The following KATNIP variants were observed in gnomAD, a reference collection of about 807,000 sequenced individuals.
KATNIP encodes the protein katanin interacting protein, also known as katanin-interacting protein.
In KATNIP, 126 loss-of-function variants were observed where a neutral mutation model predicts 174.0. The ratio of observed to expected loss-of-function variants is 0.72; its 90% confidence interval spans 0.63 to 0.84. The LOEUF (loss-of-function observed/expected upper bound fraction) is 0.84. Ranked by LOEUF, KATNIP falls within the 40% of genes least tolerant of loss-of-function variation. KATNIP has a pLI of 0.00. For missense variants in KATNIP, 1,958 were observed against 2,109.7 expected (o/e 0.93, Z 1.41); for synonymous variants, 810 against 835.7 (o/e 0.97, Z 0.53).
chr16:27,555,673 A>G lies in KATNIP; in HGVS notation c.7+5496A>G, dbSNP rs1184630884. On this transcript the variant is annotated intron_variant, in intron 1 of 27. Transcript: ENST00000261588. The stretch of plus-strand genomic sequence containing the variant: ...AACATGGAGAAACCCTGTCTCTACT[A>G]AAAAAATGCAAAATTAGCTGGGTGT... Among the ~76,000 whole-genome samples the G allele has an allele frequency of 3.3e-5, 5 of 151,946 alleles. No homozygotes were observed. The Middle Eastern group carries it at 0.01, about 310-fold the overall frequency.
At chr16:27,774,917 G>T in intron 23 of KATNIP, 28 bp from the exon 24 acceptor site, 2 of 1,613,454 alleles carry the variant, frequency 1.2e-6, no homozygotes, top group South Asian at 2.2e-5. Context: ...CACAGATTTG[G>T]GTTATGGCAA....
In KATNIP at chr16:27,723,877, T is replaced by C. The variant is rs542590367; in HGVS notation, c.1743+2182T>C. ...TGCTAGTTCTGCCACCCACCAGCTG[T>C]CCATCCACCTAGTGATCACGTCGTG... On this transcript the variant is annotated intron_variant, in intron 14 of 27. Coordinates refer to ENST00000261588, the MANE Select transcript of KATNIP (RefSeq NM_015202.5). Among the ~76,000 whole-genome samples, 9 of 152,120 alleles carry C rather than the reference T, an allele frequency of 5.9e-5. No homozygotes were observed. In the South Asian group the frequency reaches 1.9e-3, roughly 32 times the overall value.
At chr16:27,736,175 G>A (rs532964680) in intron 14 of KATNIP, among the ~76,000 whole-genome samples, 47 of 152,192 alleles carry the variant, frequency 3.1e-4, no homozygotes, top group African/African-American at 1.1e-3. Flanking sequence ...GCTAATTTTT[G>A]TATTTTTAGT....
chr16:27,766,592 T>C (rs909147673), intron 20 of KATNIP, 118 bp downstream of exon 20: 3 of 1,061,968 alleles, frequency 2.8e-6, no homozygotes, highest in Admixed American at 4.8e-5. Context: ...CAAACGGAGC[T>C]GGGGGCGTTA....
intron 14 of KATNIP, 118 bp downstream of exon 14, chr16:27,721,813 G>C (rs550990809): frequency 2.6e-6 from 3 of 1,133,438 alleles, no homozygotes; most frequent in Non-Finnish European, 3.7e-6. Flanking sequence ...TGCTGGCCTC[G>C]TGTGTGCAGC....
chr16:27,692,611 C>A (rs771604131), intron 8 of KATNIP, among the ~76,000 whole-genome samples: 3 of 152,086 alleles, frequency 2.0e-5, no homozygotes, highest in Non-Finnish European at 2.9e-5. Context: ...CTGTTCCAGG[C>A]GAAGGGAAGA....
intron 15 of KATNIP, among the ~76,000 whole-genome samples, chr16:27,744,063 C>T (rs1165485597): frequency 6.6e-6 from 1 of 152,142 alleles, no homozygotes; most frequent in Admixed American, 6.5e-5. Flanking sequence ...TTAAGTCAGT[C>T]GTGCTAAAAA....
intron 2 of KATNIP, among the ~76,000 whole-genome samples, chr16:27,576,428 T>G (rs2090497686): frequency 6.6e-6 from 1 of 152,044 alleles, no homozygotes; most frequent in South Asian, 2.1e-4. Flanking sequence ...TTTGTTCGGT[T>G]AGAAAAACAA....
Position 27,579,866 on chromosome 16 carries a change from T to TAC in KATNIP, c.63+5923_63+5924dup, listed in dbSNP as rs375057703. 3.8e-3 allele frequency among the ~76,000 whole-genome samples: 575 copies of TAC among 151,588 alleles called. 6 individuals carry two copies. Among genetic ancestry groups the TAC allele is most frequent in the African/African-American group, 0.013 (555 of 41,346 alleles). On this transcript the variant is annotated intron_variant, in intron 2 of 27. Transcript: ENST00000261588. ...TTGCATGCATGCACATGCACACACATACACACACACACACCTTCCTGCTAG... is the reference window on the plus strand; with the variant it reads ...TTGCATGCATGCACATGCACACACATACACACACACACACACCTTCCTGCTAG...
intron 20 of KATNIP, among the ~76,000 whole-genome samples, chr16:27,769,190 A>T (rs916485395): frequency 2.0e-5 from 3 of 152,168 alleles, no homozygotes; most frequent in African/African-American, 7.2e-5. Flanking sequence ...GCAGACAGAG[A>T]GGTGGTCCAG....
intron 1 of KATNIP, among the ~76,000 whole-genome samples, chr16:27,553,188 C>T (rs566339948): frequency 3.9e-4 from 59 of 152,180 alleles, no homozygotes; most frequent in Non-Finnish European, 6.0e-4. Context: ...CAAATCTAAA[C>T]GTTGACCTTT....
chr16:27,634,347 G>A (rs1187539045), intron 5 of KATNIP, among the ~76,000 whole-genome samples: 2 of 152,178 alleles, frequency 1.3e-5, no homozygotes, highest in African/African-American at 4.8e-5. Context: ...CAAATGCAGT[G>A]CAGGGAGTCG....
At chr16:27,554,354 T>C (rs1385755209) in intron 1 of KATNIP, among the ~76,000 whole-genome samples, 1 of 151,878 alleles carries the variant, frequency 6.6e-6, no homozygotes, top group African/African-American at 2.4e-5. Context: ...TCCCAGCTAC[T>C]TGGGGGAGGC....
chr16:27,659,997 C>T, intron 6 of KATNIP: 1 of 984,798 alleles, frequency 1.0e-6, no homozygotes, highest in Non-Finnish European at 1.2e-6. Flanking sequence ...GTTTATATAA[C>T]ATTACGCCTC....
chr16:27,778,751 G>A lies in KATNIP; in HGVS notation c.*122G>A. On this transcript the variant is annotated 3_prime_UTR_variant, in exon 28 of 28. Coordinates refer to ENST00000261588, the MANE Select transcript of KATNIP (RefSeq NM_015202.5). The stretch of plus-strand genomic sequence containing the variant: ...GAAGCGAACCACAGTGTTGAGGGGA[G>A]CCCGCTGGGAAGAGGGGACTCGGGA... 2.1e-6 allele frequency: 2 copies of A among 934,788 alleles called. No homozygotes were observed. The highest frequency in any genetic ancestry group is 2.3e-5 in the Admixed American group (1 of 42,852). The allele number at this position is 934,788 out of a possible 1,614,324, so 57.9% of individuals were successfully genotyped here.
At chr16:27,763,424 T>C (rs1220495272) in intron 19 of KATNIP, among the ~76,000 whole-genome samples, 2 of 121,140 alleles carry the variant, frequency 1.7e-5, no homozygotes, top group Non-Finnish European at 3.3e-5. Context: ...CTGGGCAACA[T>C]AGTGAGATTG....
chr16:27,628,545 CT>C, intron 3 of KATNIP, 115 bp from the exon 4 acceptor site: 4 of 1,149,750 alleles, frequency 3.5e-6, no homozygotes, highest in Non-Finnish European at 5.0e-6. Context: ...CACACGCCCC[CT>C]GGGCTCTGAT....
At chr16:27,682,354 G>A (rs114437717) in intron 8 of KATNIP, among the ~76,000 whole-genome samples, 1 of 152,298 alleles carries the variant, frequency 6.6e-6, no homozygotes, top group African/African-American at 2.4e-5. Flanking sequence ...TTTCACAGAC[G>A]AGGAACTGAG....
rs1411247396 is a variant in KATNIP at position 27,637,333 on chromosome 16, G to T, written c.408+6171G>T. On this transcript the variant is annotated intron_variant, in intron 5 of 27. Transcript: ENST00000261588. This position sits in a 1 kb window ranked among gnomAD's most constrained non-coding sequence, Gnocchi z 4.7. Reference sequence around the variant, plus strand: ...CTCAGTTTTGGCACTTACAGATGCCGGGTTCCAAGCAATAAGTGAGGCCAG... The same window carrying T: ...CTCAGTTTTGGCACTTACAGATGCCTGGTTCCAAGCAATAAGTGAGGCCAG... Among the ~76,000 whole-genome samples the T allele has an allele frequency of 1.3e-5, 2 of 152,170 alleles. No homozygotes were observed. Among genetic ancestry groups the T allele is most frequent in the African/African-American group, 4.8e-5 (2 of 41,438 alleles).
Sources: allele counts gnomAD v4.1 joint callset (sites outside exome capture counted in the v4.1 genomes callset), GRCh38; gene constraint gnomAD v4.1.1; non-coding constraint Gnocchi (gnomAD v3.1); transcripts MANE v1.5; gene names NCBI Gene and HGNC (gene_info 2026-07-23, HGNC 2026-07-21).